The following SORCS1 variants were observed in gnomAD, a reference collection of about 807,000 sequenced individuals.
SORCS1 encodes the protein sortilin related VPS10 domain containing receptor 1.
In SORCS1, 60 loss-of-function variants were observed where a neutral mutation model predicts 146.1. The observed-to-expected ratio is 0.41, with a 90% CI of 0.33 to 0.51. The LOEUF (loss-of-function observed/expected upper bound fraction) is 0.51, where lower values mean the gene tolerates loss of function less well. SORCS1 is among the 20% of genes least tolerant of loss of function. The pLI, the probability that SORCS1 is intolerant of heterozygous loss-of-function variation, is 0.21. For synonymous variants in SORCS1, 637 were observed against 584.0 expected, an observed-to-expected ratio of 1.09 and a Z score of -1.31; for missense variants, 1,352 against 1,487.6, an observed-to-expected ratio of 0.91 and a Z score of 1.50.
At chr10:106,990,864 T>A (rs1042931072) in intron 1 of SORCS1, among the ~76,000 whole-genome samples, 1 of 152,186 alleles carries the variant, frequency 6.6e-6, no homozygotes, top group Non-Finnish European at 1.5e-5. Context: ...CTTAAGAAAA[T>A]GTATAAATAC....
intron 3 of SORCS1, among the ~76,000 whole-genome samples, chr10:106,818,597 C>T (rs920405004): frequency 3.3e-5 from 5 of 152,144 alleles, no homozygotes; most frequent in Non-Finnish European, 7.4e-5. Context: ...ATCTCTTGAC[C>T]TGGTGATCCG....
At chr10:106,880,519 C>G (rs191135001) in intron 2 of SORCS1, among the ~76,000 whole-genome samples, 2 of 152,108 alleles carry the variant, frequency 1.3e-5, no homozygotes, top group Admixed American at 1.3e-4. Flanking sequence ...GATTCAGATT[C>G]ATGGGTTTCT....
intron 1 of SORCS1, among the ~76,000 whole-genome samples, chr10:107,022,003 G>T (rs988007654): frequency 1.3e-5 from 2 of 151,968 alleles, no homozygotes; most frequent in East Asian, 3.9e-4. Flanking sequence ...TGTGGAGATC[G>T]CTCTGATCTC....
intron 22 of SORCS1, among the ~76,000 whole-genome samples, chr10:106,611,418 A>G (rs1564774788): frequency 1.3e-5 from 2 of 152,212 alleles, no homozygotes; most frequent in Admixed American, 1.3e-4. Context: ...ATGAGGAAAT[A>G]GAAATATGAC....
chr10:106,691,313 T>C (rs1853277650), intron 9 of SORCS1, among the ~76,000 whole-genome samples: 2 of 152,208 alleles, frequency 1.3e-5, no homozygotes, highest in South Asian at 4.1e-4. Flanking sequence ...GTTGGAAGTC[T>C]GTCCTCCTTT....
At chr10:106,687,442 C>CT (rs973611089) in intron 10 of SORCS1, among the ~76,000 whole-genome samples, 15 of 152,174 alleles carry the variant, frequency 9.9e-5, no homozygotes, top group Non-Finnish European at 1.3e-4. Flanking sequence ...AAATATCAGG[C>CT]TTTTTTTGTG....
At chr10:106,781,168 G>C (rs1337358169) in intron 3 of SORCS1, among the ~76,000 whole-genome samples, 1 of 152,054 alleles carries the variant, frequency 6.6e-6, no homozygotes, top group Non-Finnish European at 1.5e-5. Context: ...GAGGAATGCT[G>C]CTACTATTTA....
intron 1 of SORCS1, among the ~76,000 whole-genome samples, chr10:107,034,697 A>AAAAAAAAAAAAAAAAAAAAAAAAAAC (rs1958816244): frequency 6.8e-6 from 1 of 146,102 alleles, no homozygotes; most frequent in Admixed American, 7.1e-5. Context: ...AAAAAAAAAA[A>AAAAAAAAAAAAAAAAAAAAAAAAAAC]AAAAAAAAAA....
chr10:106,624,360 T>A (rs866370669), intron 19 of SORCS1, among the ~76,000 whole-genome samples: 3,963 of 129,136 alleles, frequency 0.031, 88 homozygotes, highest in Middle Eastern at 0.046. Context: ...TTTTTTTTTT[T>A]TTTTTTTTTT....
At chr10:106,938,431 A>T (rs1382765759) in intron 2 of SORCS1, among the ~76,000 whole-genome samples, 2 of 152,236 alleles carry the variant, frequency 1.3e-5, no homozygotes, top group Non-Finnish European at 2.9e-5. Context: ...CTTAGTTCCC[A>T]AGAGCAGAAG....
At chr10:106,912,361 CT>C (rs533541134) in intron 2 of SORCS1, among the ~76,000 whole-genome samples, 2 of 151,816 alleles carry the variant, frequency 1.3e-5, no homozygotes, top group African/African-American at 4.8e-5. Flanking sequence ...ACCTGTACCG[CT>C]TTTTTTTACG....
chr10:107,059,922 A>G (rs1183719296), intron 1 of SORCS1, among the ~76,000 whole-genome samples: 1 of 152,142 alleles, frequency 6.6e-6, no homozygotes, highest in African/African-American at 2.4e-5. Flanking sequence ...ACTTGAGAGT[A>G]GACGTTCTAC....
At chr10:106,764,334 T>C (rs1158856043) in intron 4 of SORCS1, among the ~76,000 whole-genome samples, 2 of 152,194 alleles carry the variant, frequency 1.3e-5, no homozygotes, top group African/African-American at 2.4e-5. Flanking sequence ...AGTTAACGTG[T>C]TAATTAAACC....
At chr10:107,083,846 G>A (rs912119686) in intron 1 of SORCS1, among the ~76,000 whole-genome samples, 12 of 152,152 alleles carry the variant, frequency 7.9e-5, no homozygotes, top group African/African-American at 2.9e-4. Flanking sequence ...ACTGGAATGG[G>A]GTTATACGAA....
intron 1 of SORCS1, among the ~76,000 whole-genome samples, chr10:106,987,215 C>G (rs1956521216): frequency 6.6e-6 from 1 of 152,104 alleles, no homozygotes; most frequent in Admixed American, 6.6e-5. Context: ...CTGGAAAATT[C>G]CTTTATTCTG....
chr10:107,143,672 T>G (rs2134739592), intron 1 of SORCS1, among the ~76,000 whole-genome samples: 1 of 151,946 alleles, frequency 6.6e-6, no homozygotes, highest in Middle Eastern at 3.4e-3. Context: ...CCAGGCTATT[T>G]TTTCTGTATT....
At chr10:106,744,081 A>G (rs1169314238) in intron 5 of SORCS1, among the ~76,000 whole-genome samples, 1 of 152,056 alleles carries the variant, frequency 6.6e-6, no homozygotes, top group Non-Finnish European at 1.5e-5. Context: ...TATTGGTAAT[A>G]TCTATCGTTT....
At chr10:106,767,851 A>C (rs1470549386) in intron 4 of SORCS1, among the ~76,000 whole-genome samples, 1 of 152,204 alleles carries the variant, frequency 6.6e-6, no homozygotes, top group African/African-American at 2.4e-5. Context: ...CTAGCTAAAA[A>C]TTTGGACAAA....
At chr10:106,658,077 A>G (rs1192260875) in intron 17 of SORCS1, among the ~76,000 whole-genome samples, 1 of 152,192 alleles carries the variant, frequency 6.6e-6, no homozygotes, top group Non-Finnish European at 1.5e-5. Flanking sequence ...ATGAAATCCA[A>G]TTATGTCAAT....
Sources: allele counts gnomAD v4.1 joint callset (sites outside exome capture counted in the v4.1 genomes callset), GRCh38; gene constraint gnomAD v4.1.1; transcripts MANE v1.5; gene names NCBI Gene and HGNC (gene_info 2026-07-23, HGNC 2026-07-21).